Variants in QNG1 observed in about 807,000 individuals in gnomAD.
QNG1 encodes the protein Q-nucleotide N-glycosylase 1.
At chr9:83,949,851 AAAAAAT>A in the QNG1 span, among the ~76,000 whole-genome samples, 27 of 152,048 alleles carry the variant, frequency 1.8e-4, no homozygotes, top group African/African-American at 4.1e-4. Context: ...GGAAAAAAAC[AAAAAAT>A]AAAAATAAAA....
At chr9:83,948,286 C>T in the QNG1 span, among the ~76,000 whole-genome samples, 4 of 149,086 alleles carry the variant, frequency 2.7e-5, no homozygotes, top group South Asian at 4.3e-4. Context: ...GCAGCCGCCC[C>T]GCCTGGGAAG....
At chr9:83,953,158 C>G in the QNG1 span, among the ~76,000 whole-genome samples, 1 of 152,064 alleles carries the variant, frequency 6.6e-6, no homozygotes, top group South Asian at 2.1e-4. Flanking sequence ...ATCCCAGCTA[C>G]TTGGGAGACT....
the QNG1 span, among the ~76,000 whole-genome samples, chr9:83,947,464 C>T: frequency 6.6e-6 from 1 of 152,150 alleles, no homozygotes; most frequent in Admixed American, 6.5e-5. Flanking sequence ...TTTTATTATA[C>T]TAAATAAATT....
chr9:83,946,732 G>A, the QNG1 span, among the ~76,000 whole-genome samples: 11 of 152,108 alleles, frequency 7.2e-5, no homozygotes, highest in East Asian at 3.9e-4. Flanking sequence ...AAAACACGGC[G>A]AAACCCTGTC....
chr9:83,951,652 A>G, the QNG1 span, among the ~76,000 whole-genome samples: 2 of 152,348 alleles, frequency 1.3e-5, no homozygotes, highest in Admixed American at 1.3e-4. Context: ...TCAGTATGTC[A>G]CAGTAACAGT....
At chr9:83,953,205 T>C in the QNG1 span, among the ~76,000 whole-genome samples, 9 of 151,836 alleles carry the variant, frequency 5.9e-5, no homozygotes, top group African/African-American at 1.9e-4. Context: ...GAGGTGGAGG[T>C]TGTAGTGAGC....
At chr9:83,950,859 C>T in the QNG1 span, among the ~76,000 whole-genome samples, 1 of 151,958 alleles carries the variant, frequency 6.6e-6, no homozygotes, top group Admixed American at 6.6e-5. Context: ...CCTTGGCCTC[C>T]CAAGGTTCTA....
At chr9:83,956,402 C>T in the QNG1 span, 2 of 1,596,062 alleles carry the variant, frequency 1.3e-6, no homozygotes, top group Non-Finnish European at 1.7e-6. Context: ...CCAGCAGCAG[C>T]TCTGCCACCC....
At chr9:83,940,342 T>C in the QNG1 span, among the ~76,000 whole-genome samples, 1 of 152,086 alleles carries the variant, frequency 6.6e-6, no homozygotes, top group East Asian at 1.9e-4. Context: ...TAGTCCCAGC[T>C]ACTCGGGAGG....
At chr9:83,950,826 C>G in the QNG1 span, among the ~76,000 whole-genome samples, 1 of 151,970 alleles carries the variant, frequency 6.6e-6, no homozygotes, top group Non-Finnish European at 1.5e-5. Context: ...GTCTTGAACT[C>G]CTGGGCTCAA....
At chr9:83,939,606 T>C in the QNG1 span, 1 of 1,614,112 alleles carries the variant, frequency 6.2e-7, no homozygotes, top group Admixed American at 1.7e-5. Context: ...TCCAGAAGAA[T>C]GGAATTGATC....
At chr9:83,945,457 A>G in the QNG1 span, among the ~76,000 whole-genome samples, 2 of 152,106 alleles carry the variant, frequency 1.3e-5, no homozygotes, top group Non-Finnish European at 2.9e-5. Context: ...GATTTAATGA[A>G]CATTAAATTT....
chr9:83,955,337 TGA>T, the QNG1 span: 1 of 1,587,238 alleles, frequency 6.3e-7, no homozygotes, highest in Non-Finnish European at 8.6e-7. Context: ...GAGTTAACTC[TGA>T]GATGATTAAG....
At chr9:83,948,180 T>C in the QNG1 span, among the ~76,000 whole-genome samples, 1 of 139,954 alleles carries the variant, frequency 7.1e-6, no homozygotes, top group Non-Finnish European at 1.5e-5. Context: ...GTCTGGGAAC[T>C]GAGGAGTGTC....
chr9:83,955,155 C>T, the QNG1 span, among the ~76,000 whole-genome samples: 2 of 152,164 alleles, frequency 1.3e-5, no homozygotes, highest in African/African-American at 4.8e-5. Context: ...GCCAAGATCA[C>T]GCCACTGCAC....
chr9:83,942,006 G>A, the QNG1 span, among the ~76,000 whole-genome samples: 1 of 152,128 alleles, frequency 6.6e-6, no homozygotes, highest in Non-Finnish European at 1.5e-5. Context: ...GGAATGTCAA[G>A]GACTGCTGGA....
chr9:83,944,138 A>T, the QNG1 span, among the ~76,000 whole-genome samples: 51 of 152,358 alleles, frequency 3.3e-4, no homozygotes, highest in Non-Finnish European at 5.6e-4. Context: ...CCTGGGCAAC[A>T]TATTTTTTAA....
At chr9:83,942,225 T>C in the QNG1 span, among the ~76,000 whole-genome samples, 1 of 152,162 alleles carries the variant, frequency 6.6e-6, no homozygotes, top group African/African-American at 2.4e-5. Flanking sequence ...ACTTACAGTA[T>C]GGGATAGAAC....
the QNG1 span, among the ~76,000 whole-genome samples, chr9:83,947,127 G>T: frequency 2.0e-5 from 3 of 152,194 alleles, no homozygotes; most frequent in South Asian, 6.2e-4. Flanking sequence ...CTAGATTATG[G>T]AAAAACATAG....
Sources: allele counts gnomAD v4.1 joint callset (sites outside exome capture counted in the v4.1 genomes callset), GRCh38; gene constraint gnomAD v4.1.1; transcripts MANE v1.5; gene names NCBI Gene and HGNC (gene_info 2026-07-23, HGNC 2026-07-21).